Variants in FSTL4 observed in about 807,000 individuals in gnomAD.
The protein encoded by FSTL4 is follistatin-related protein 4.
In FSTL4, 28 loss-of-function variants were observed where a neutral mutation model predicts 78.2. The observed-to-expected ratio is 0.36, with a 90% confidence interval of 0.27 to 0.49. The LOEUF (loss-of-function observed/expected upper bound fraction) is 0.49, where lower values mean the gene tolerates loss of function less well. Among genes scored for constraint, FSTL4 ranks in the 20% least tolerant of loss-of-function variants. The pLI is 0.98. For synonymous variants in FSTL4, 422 were observed against 440.5 expected (o/e 0.96, Z 0.53); for missense variants, 922 against 1,084.9 (o/e 0.85, Z 2.11).
intron 3 of FSTL4, among the ~76,000 whole-genome samples, chr5:133,532,398 T>C (rs1034700022): frequency 6.6e-6 from 1 of 152,204 alleles, no homozygotes; most frequent in African/African-American, 2.4e-5. Context: ...CATAGAGAAT[T>C]ATGTTCAATA....
At chr5:133,678,473 A>G in the FSTL4 span, among the ~76,000 whole-genome samples, 1 of 152,280 alleles carries the variant, frequency 6.6e-6, no homozygotes, top group South Asian at 2.1e-4. Context: ...GGTAATCCCA[A>G]GATTTTAGAT....
intron 2 of FSTL4, chr5:133,575,346 C>T (rs774531827): frequency 2.0e-5 from 3 of 152,158 alleles, no homozygotes; most frequent in Non-Finnish European, 4.4e-5. Context: ...CCTCTGTCAC[C>T]TTTGTTGAAT....
chr5:133,726,775 A>C, the FSTL4 span, among the ~76,000 whole-genome samples: 1 of 152,204 alleles, frequency 6.6e-6, no homozygotes, highest in Non-Finnish European at 1.5e-5. Flanking sequence ...AATTTGTAAA[A>C]CCAATCAGAC....
the FSTL4 span, among the ~76,000 whole-genome samples, chr5:133,728,160 T>C: frequency 6.6e-6 from 1 of 152,236 alleles, no homozygotes; most frequent in Admixed American, 6.5e-5. Context: ...GTTCCAAGCC[T>C]GGGAGTAGCT....
chr5:133,490,792 G>T (rs565140050), intron 3 of FSTL4, among the ~76,000 whole-genome samples: 1 of 152,306 alleles, frequency 6.6e-6, no homozygotes, highest in African/African-American at 2.4e-5. Context: ...CAAGAATGTG[G>T]CTAATTTTTG....
intron 6 of FSTL4, among the ~76,000 whole-genome samples, chr5:133,253,882 A>G (rs1411500395): frequency 6.6e-6 from 1 of 152,086 alleles, no homozygotes; most frequent in East Asian, 1.9e-4. Context: ...CTGGCTCCCC[A>G]TGGCATTTGT....
At chr5:133,766,576 G>T in the FSTL4 span, among the ~76,000 whole-genome samples, 1 of 152,166 alleles carries the variant, frequency 6.6e-6, no homozygotes, top group Non-Finnish European at 1.5e-5. Context: ...AGACTCAACT[G>T]GTCTCCATAG....
At chr5:133,620,257 T>C in the FSTL4 span, among the ~76,000 whole-genome samples, 1 of 152,354 alleles carries the variant, frequency 6.6e-6, no homozygotes, top group East Asian at 1.9e-4. Context: ...TGTTTATAAA[T>C]GGCAGGAGGG....
chr5:133,625,694 G>T, the FSTL4 span, among the ~76,000 whole-genome samples: 1 of 108,732 alleles, frequency 9.2e-6, no homozygotes, highest in Non-Finnish European at 1.9e-5. Context: ...AAGCTCTTGA[G>T]GTGTGAGCTA....
At chr5:133,486,590 G>A (rs759275558) in intron 3 of FSTL4, among the ~76,000 whole-genome samples, 26 of 152,086 alleles carry the variant, frequency 1.7e-4, no homozygotes, top group Admixed American at 5.2e-4. Flanking sequence ...TCCATCACCC[G>A]ACACAAGCTA....
the FSTL4 span, among the ~76,000 whole-genome samples, chr5:133,628,919 T>A: frequency 8.1e-6 from 1 of 123,626 alleles, no homozygotes; most frequent in Non-Finnish European, 1.7e-5. Flanking sequence ...TCATGTCGTC[T>A]GCAAACAGAG....
chr5:133,732,205 G>A, the FSTL4 span, among the ~76,000 whole-genome samples: 1 of 152,318 alleles, frequency 6.6e-6, no homozygotes, highest in Non-Finnish European at 1.5e-5. Flanking sequence ...CAGGGCCCCC[G>A]AACTTGTTTA....
intron 3 of FSTL4, among the ~76,000 whole-genome samples, chr5:133,466,441 C>T (rs1312034276): frequency 2.6e-5 from 4 of 151,956 alleles, no homozygotes; most frequent in African/African-American, 4.8e-5. Flanking sequence ...ACTCGGGAGG[C>T]TGAGGCAGGA....
chr5:133,615,211 A>G (rs1448513877), upstream of FSTL4, among the ~76,000 whole-genome samples: 1 of 152,254 alleles, frequency 6.6e-6, no homozygotes, highest in Non-Finnish European at 1.5e-5. Context: ...GTGCCTAGAA[A>G]TACCCATTAG....
chr5:133,655,564 C>A, the FSTL4 span, among the ~76,000 whole-genome samples: 1 of 152,234 alleles, frequency 6.6e-6, no homozygotes, highest in South Asian at 2.1e-4. Flanking sequence ...TCATCCAGGC[C>A]TTGTACTAGG....
chr5:133,429,209 C>A (rs756046310), intron 3 of FSTL4, among the ~76,000 whole-genome samples: 1 of 152,126 alleles, frequency 6.6e-6, no homozygotes, highest in Admixed American at 6.5e-5. Flanking sequence ...CCCATGGAAT[C>A]ATGAATGCCG....
At chr5:133,314,031 TCTGCCAGGTTAGAATGAAGTGC>T (rs532935893) in intron 5 of FSTL4, among the ~76,000 whole-genome samples, 29 of 152,332 alleles carry the variant, frequency 1.9e-4, no homozygotes, top group Non-Finnish European at 2.6e-4. Flanking sequence ...AGGCCACATA[TCTGCCAGGTTAGAATGAAGTGC>T]CTGGTAAGGC....
chr5:133,287,963 G>C (rs966901850), intron 6 of FSTL4, among the ~76,000 whole-genome samples: 2 of 152,138 alleles, frequency 1.3e-5, no homozygotes, highest in South Asian at 2.1e-4. Flanking sequence ...GCAGAGAAAG[G>C]CTGTTTGTTT....
At chr5:133,636,584 C>T in the FSTL4 span, among the ~76,000 whole-genome samples, 1 of 152,074 alleles carries the variant, frequency 6.6e-6, no homozygotes, top group East Asian at 1.9e-4. Context: ...TTCTCTTCTA[C>T]AAAATTGCAA....
Sources: gnomAD v4.1 joint callset for allele counts (sites outside exome capture counted in the v4.1 genomes callset) on GRCh38, gnomAD v4.1.1 for gene constraint, MANE v1.5 for transcripts, NCBI Gene and HGNC (gene_info 2026-07-23, HGNC 2026-07-21) for gene names.